Variants in SMIM36 observed in about 807,000 individuals in gnomAD.
The protein encoded by SMIM36 is small integral membrane protein 36.
upstream of SMIM36, among the ~76,000 whole-genome samples, chr17:55,511,978 G>A (rs756694676): frequency 6.6e-6 from 1 of 152,202 alleles, no homozygotes; most frequent in Non-Finnish European, 1.5e-5. Context: ...ATATGGCAGT[G>A]ATAAGACAGA....
chr17:55,507,445 G>C (rs1247865619), intron 1 of SMIM36, among the ~76,000 whole-genome samples: 1 of 120,760 alleles, frequency 8.3e-6, no homozygotes, highest in Non-Finnish European at 1.7e-5. Flanking sequence ...GGATGAAATT[G>C]GAAATCATCA....
intron 3 of SMIM36, among the ~76,000 whole-genome samples, chr17:55,476,339 A>G (rs951196523): frequency 6.6e-6 from 1 of 151,706 alleles, no homozygotes; most frequent in African/African-American, 2.4e-5. Flanking sequence ...TGCCCACAAG[A>G]GGAAAAACCC....
rs73990414 is a variant in SMIM36 at position 55,483,216 on chromosome 17, A to G, written c.*175-3636T>C. 1.6e-3 allele frequency among the ~76,000 whole-genome samples: 247 copies of G among 152,292 alleles called. 1 individual carries two copies. The highest frequency in any genetic ancestry group is 5.6e-3 in the African/African-American group (233 of 41,552). On this transcript the variant is annotated intron_variant, in intron 1 of 4. Coordinates refer to ENST00000636752, the Ensembl canonical transcript of SMIM36. ...GAACATTCAGAAATTACAAATTCAA[A>G]TGTTTCTTGTTGGGTTTGGCCTGAG...
intron 4 of SMIM36, among the ~76,000 whole-genome samples, chr17:55,460,620 G>A (rs1909130906): frequency 1.3e-5 from 2 of 152,198 alleles, no homozygotes; most frequent in Non-Finnish European, 2.9e-5. Flanking sequence ...CACTTTGGGA[G>A]GCCGAGGCGG....
chr17:55,477,508 G>A (rs903895826), intron 3 of SMIM36, among the ~76,000 whole-genome samples: 9 of 152,154 alleles, frequency 5.9e-5, no homozygotes, highest in East Asian at 1.9e-4. Context: ...ATTAGGGCCC[G>A]CTCTAATGAC....
At chr17:55,452,102 C>CAAAA (rs1156887430) in intron 4 of SMIM36, among the ~76,000 whole-genome samples, 32 of 51,388 alleles carry the variant, frequency 6.2e-4, no homozygotes, top group African/African-American at 9.5e-4. Context: ...TCAATCTCTA[C>CAAAA]AAAAAAAAAA....
intron 4 of SMIM36, among the ~76,000 whole-genome samples, chr17:55,460,285 A>C (rs1050467060): frequency 1.3e-5 from 2 of 151,978 alleles, no homozygotes; most frequent in Non-Finnish European, 2.9e-5. Context: ...AAAATTAGCC[A>C]GGTGCGGTGG....
chr17:55,530,986 T>A, the SMIM36 span, among the ~76,000 whole-genome samples: 1 of 152,160 alleles, frequency 6.6e-6, no homozygotes, highest in East Asian at 1.9e-4. Context: ...ATAATAATGA[T>A]TTAATTTCCC....
intron 1 of SMIM36, among the ~76,000 whole-genome samples, chr17:55,482,961 T>C (rs1029588983): frequency 2.0e-5 from 3 of 152,208 alleles, no homozygotes; most frequent in Admixed American, 6.5e-5. Context: ...CTCTGGTTCA[T>C]TGGGTCTTAA....
intron 4 of SMIM36, among the ~76,000 whole-genome samples, chr17:55,463,700 G>GT (rs772396743): frequency 2.1e-4 from 32 of 152,180 alleles, no homozygotes; most frequent in Non-Finnish European, 4.3e-4. Context: ...AAGTCCGTGG[G>GT]TTGGTATGGT....
chr17:55,507,598 G>A (rs1387851830), intron 1 of SMIM36, among the ~76,000 whole-genome samples: 2 of 108,328 alleles, frequency 1.8e-5, no homozygotes, highest in African/African-American at 7.2e-5. Flanking sequence ...GGAGGGGGGA[G>A]GGATAGCATT....
At chr17:55,524,735 T>C in the SMIM36 span, among the ~76,000 whole-genome samples, 2 of 152,180 alleles carry the variant, frequency 1.3e-5, no homozygotes, top group African/African-American at 2.4e-5. Flanking sequence ...TGGTATTCTA[T>C]TACTAGTAAC....
intron 1 of SMIM36, among the ~76,000 whole-genome samples, chr17:55,498,349 T>G (rs909835923): frequency 6.6e-6 from 1 of 152,158 alleles, no homozygotes; most frequent in African/African-American, 2.4e-5. Context: ...CTACGTTTTC[T>G]TTCCAAATTT....
At chr17:55,469,986 A>G (rs1404892979) in intron 3 of SMIM36, among the ~76,000 whole-genome samples, 1 of 152,100 alleles carries the variant, frequency 6.6e-6, no homozygotes, top group African/African-American at 2.4e-5. Flanking sequence ...CCATCTAAAA[A>G]AAAAACAAAA....
intron 1 of SMIM36, among the ~76,000 whole-genome samples, chr17:55,507,770 T>A (rs1280658004): frequency 6.6e-6 from 1 of 151,764 alleles, no homozygotes; most frequent in Non-Finnish European, 1.5e-5. Flanking sequence ...AAAAGACCAC[T>A]GGCTTTGCGC....
intron 1 of SMIM36, among the ~76,000 whole-genome samples, chr17:55,500,234 T>A (rs2144715293): frequency 6.6e-6 from 1 of 152,160 alleles, no homozygotes; most frequent in South Asian, 2.1e-4. Flanking sequence ...AAGCGATCTT[T>A]CTGCCTTACC....
chr17:55,484,014 AC>A (rs1408729298), intron 1 of SMIM36, among the ~76,000 whole-genome samples: 4 of 152,122 alleles, frequency 2.6e-5, no homozygotes, highest in Non-Finnish European at 2.9e-5. Context: ...TCTCCAGGGA[AC>A]CCTGACTAAT....
chr17:55,458,578 C>T (rs1909074409), intron 4 of SMIM36: 1 of 137,746 alleles, frequency 7.3e-6, no homozygotes, highest in South Asian at 2.7e-4. Context: ...CCACCCCCCG[C>T]CCCGTACCAC....
chr17:55,520,018 G>A, the SMIM36 span, among the ~76,000 whole-genome samples: 30 of 152,182 alleles, frequency 2.0e-4, no homozygotes. Context: ...CAAAAACAAG[G>A]TGTTGGTGAG....
Sources: gnomAD v4.1 joint callset for allele counts (sites outside exome capture counted in the v4.1 genomes callset) on GRCh38, gnomAD v4.1.1 for gene constraint, MANE v1.5 for transcripts, NCBI Gene and HGNC (gene_info 2026-07-23, HGNC 2026-07-21) for gene names.